Variants in CEP112 observed in about 807,000 individuals in gnomAD.
CEP112 encodes centrosomal protein 112.
CEP112 carries 127 observed loss-of-function variants against 153.0 expected under a neutral mutation model. That is an observed-to-expected ratio of 0.83 (90% CI 0.72 to 0.96). The LOEUF is 0.96. CEP112 is among the 40% of genes least tolerant of loss of function. The pLI is 0.00. For synonymous variants in CEP112, 358 were observed against 374.4 expected, an observed-to-expected ratio of 0.96 and a Z score of 0.51; for missense variants, 1,089 against 1,101.2, an observed-to-expected ratio of 0.99 and a Z score of 0.16.
rs192385838 is a variant in CEP112 at position 65,658,701 on chromosome 17, G to C, written c.2698-17636C>G. On this transcript the variant is annotated intron_variant, in intron 24 of 26. Coordinates refer to ENST00000535342, the MANE Select transcript of CEP112 (RefSeq NM_001199165.4). ...AGAAGAAGCTGTAGCCTCGGGAATG[G>C]AAGAGCTCTCTGAAGGGGAAAGGGG... is the stretch of plus-strand genomic sequence containing the variant. Among the ~76,000 whole-genome samples the C allele has an allele frequency of 5.7e-4, 87 of 152,206 alleles. 1 individual carries two copies. Among genetic ancestry groups the C allele is most frequent in the Admixed American group, 5.0e-3 (77 of 15,290 alleles).
intron 21 of CEP112, among the ~76,000 whole-genome samples, chr17:65,821,514 T>TTATATATATATATATATATAATTATATA (rs2056550320): frequency 4.0e-5 from 2 of 50,164 alleles, no homozygotes; most frequent in African/African-American, 8.0e-5. Flanking sequence ...ATATATATAA[T>TTATATATATATATATATATAATTATATA]TATATATATA....
intron 19 of CEP112, among the ~76,000 whole-genome samples, chr17:65,917,229 G>T (rs750737743): frequency 1.3e-5 from 2 of 152,164 alleles, no homozygotes; most frequent in Non-Finnish European, 2.9e-5. Flanking sequence ...CACCACTGAG[G>T]ACCACAGGGG....
intron 23 of CEP112, among the ~76,000 whole-genome samples, chr17:65,709,109 T>A (rs1340812733): frequency 6.6e-6 from 1 of 152,172 alleles, no homozygotes; most frequent in East Asian, 1.9e-4. Context: ...CTTCTGCAGA[T>A]AAAGGTCAAA....
At chr17:66,156,133 G>A (rs2071429055) in intron 4 of CEP112, among the ~76,000 whole-genome samples, 1 of 152,156 alleles carries the variant, frequency 6.6e-6, no homozygotes, top group Admixed American at 6.5e-5. Flanking sequence ...ATACAGGAGA[G>A]CTCCGGCTGG....
At chr17:65,754,091 C>A (rs1385815027) in intron 21 of CEP112, among the ~76,000 whole-genome samples, 2 of 152,008 alleles carry the variant, frequency 1.3e-5, no homozygotes, top group South Asian at 2.1e-4. Flanking sequence ...TGGTGCAAGG[C>A]CTATGGAGAA....
At chr17:65,792,901 T>C (rs1244342791) in intron 21 of CEP112, among the ~76,000 whole-genome samples, 1 of 152,224 alleles carries the variant, frequency 6.6e-6, no homozygotes, top group Non-Finnish European at 1.5e-5. Context: ...ACTTCCTTAG[T>C]AATCTAGAAG....
chr17:65,653,408 G>A (rs1354299538), intron 24 of CEP112, among the ~76,000 whole-genome samples: 1 of 152,206 alleles, frequency 6.6e-6, no homozygotes, highest in Non-Finnish European at 1.5e-5. Context: ...GTCTGGCTTA[G>A]CAGAATGTGT....
intron 23 of CEP112, among the ~76,000 whole-genome samples, chr17:65,696,337 A>T (rs935845617): frequency 6.6e-6 from 1 of 152,178 alleles, no homozygotes; most frequent in Non-Finnish European, 1.5e-5. Context: ...GGCAGAGTGT[A>T]AATGGATCTT....
chr17:65,770,889 A>C lies in CEP112; in HGVS notation c.2395-20165T>G, dbSNP rs534180748. Among the ~76,000 whole-genome samples the C allele has an allele frequency of 7.9e-4, 118 of 148,750 alleles. 1 individual carries two copies. The highest frequency in any genetic ancestry group is 2.9e-3 in the African/African-American group (116 of 40,350). On this transcript the variant is annotated intron_variant, in intron 21 of 26. Transcript: ENST00000535342. ...ATGTTAAGAAATAATTAATTCAGCCACTGCACTCCAGCCTGGGCAACAGAG... is the reference window on the plus strand; with the variant it reads ...ATGTTAAGAAATAATTAATTCAGCCCCTGCACTCCAGCCTGGGCAACAGAG...
intron 23 of CEP112, among the ~76,000 whole-genome samples, chr17:65,733,386 T>C (rs2050623605): frequency 6.6e-6 from 1 of 152,076 alleles, no homozygotes; most frequent in Admixed American, 6.6e-5. Context: ...ATTACCAAAA[T>C]GTGACACAGA....
chr17:66,015,343 A>G (rs948950134), intron 16 of CEP112, among the ~76,000 whole-genome samples: 1 of 151,820 alleles, frequency 6.6e-6, no homozygotes, highest in African/African-American at 2.4e-5. Context: ...ATTCATCTCT[A>G]TTTTAATTTT....
chr17:66,069,983 T>C lies in CEP112; in HGVS notation c.787A>G (p.Met263Val), dbSNP rs76827389. Residue 263 changes from methionine (M) to valine (V), a missense_variant, in exon 9 of 27, where the codon ATG becomes GTG. Transcript: ENST00000535342. ...TCTTCATGAAATTTAGCTTCCATCATTTTTGTTTTCATGTCCAGCTTCAAG... is the reference window on the plus strand; with the variant it reads ...TCTTCATGAAATTTAGCTTCCATCACTTTTGTTTTCATGTCCAGCTTCAAG... ...REKELDMKTK[M>V]MEAKFHEEKL... 6 of 1,605,328 alleles carry C rather than the reference T, an allele frequency of 3.7e-6. No homozygotes were observed. The highest frequency in any genetic ancestry group is 1.7e-4 in the Middle Eastern group (1 of 6,054).
chr17:66,093,653 A>T (rs1211478170), intron 8 of CEP112, among the ~76,000 whole-genome samples: 3 of 152,040 alleles, frequency 2.0e-5, no homozygotes, highest in Non-Finnish European at 4.4e-5. Context: ...GAAAACTGTA[A>T]AACACTGATA....
At chr17:66,047,765 G>A (rs1027578441) in intron 12 of CEP112, among the ~76,000 whole-genome samples, 16 of 152,122 alleles carry the variant, frequency 1.1e-4, no homozygotes, top group Non-Finnish European at 2.1e-4. Flanking sequence ...TACAACAAAA[G>A]TTTGAGACTC....
At chr17:65,941,038 T>C (rs1048064784) in intron 18 of CEP112, among the ~76,000 whole-genome samples, 1 of 151,994 alleles carries the variant, frequency 6.6e-6, no homozygotes, top group Non-Finnish European at 1.5e-5. Context: ...CAATTAAAAA[T>C]ATAAAAAATT....
At chr17:65,970,751 C>T (rs957727502) in intron 17 of CEP112, among the ~76,000 whole-genome samples, 2 of 52,454 alleles carry the variant, frequency 3.8e-5, no homozygotes, top group Non-Finnish European at 8.0e-5. Flanking sequence ...AATACATGCA[C>T]ATTACAGGTA....
At chr17:65,724,451 G>A (rs975614645) in intron 23 of CEP112, among the ~76,000 whole-genome samples, 5 of 152,122 alleles carry the variant, frequency 3.3e-5, no homozygotes, top group Non-Finnish European at 4.4e-5. Flanking sequence ...AATAGAATGC[G>A]CTAGAAATGT....
At chr17:66,111,639 TA>T (rs1037891024) in intron 6 of CEP112, among the ~76,000 whole-genome samples, 27 of 152,010 alleles carry the variant, frequency 1.8e-4, no homozygotes, top group African/African-American at 6.0e-4. Context: ...TTCTCACTTA[TA>T]AGTGAGAGCT....
intron 11 of CEP112, among the ~76,000 whole-genome samples, chr17:66,059,908 G>A (rs923966559): frequency 2.6e-5 from 4 of 152,022 alleles, no homozygotes; most frequent in African/African-American, 4.8e-5. Flanking sequence ...GATGTCCATC[G>A]ATGGTGGATT....
Sources: gnomAD v4.1 joint callset for allele counts (sites outside exome capture counted in the v4.1 genomes callset) on GRCh38, gnomAD v4.1.1 for gene constraint, MANE v1.5 for transcripts, NCBI Gene and HGNC (gene_info 2026-07-23, HGNC 2026-07-21) for gene names.